PKIB: variants seen among roughly 807,000 people sequenced by gnomAD.
PKIB encodes the protein PKI-beta.
In PKIB, 2 loss-of-function variants were observed where a neutral mutation model predicts 4.5. The observed-to-expected ratio is 0.44, with a 90% CI of 0.18 to 1.39. The LOEUF is 1.39. Among genes scored for constraint, PKIB ranks in the 40% most tolerant of loss-of-function variants. The pLI is 0.27. For missense variants in PKIB, 94 were observed against 92.6 expected (o/e 1.02, Z -0.06); for synonymous variants, 38 against 36.0 (o/e 1.06, Z -0.20).
chr6:122,713,406 CCCT>C (rs1263046648), intron 3 of PKIB, among the ~76,000 whole-genome samples: 2 of 152,110 alleles, frequency 1.3e-5, no homozygotes, highest in African/African-American at 4.8e-5. Context: ...AATGAAAAGA[CCCT>C]CAAGTTAATC....
chr6:122,681,851 T>G (rs1562299207), intron 3 of PKIB, among the ~76,000 whole-genome samples: 1 of 152,232 alleles, frequency 6.6e-6, no homozygotes, highest in African/African-American at 2.4e-5. Context: ...GTGCACCATG[T>G]AACTAATGAG....
intron 2 of PKIB, among the ~76,000 whole-genome samples, chr6:122,488,244 A>G (rs534123963): frequency 3.0e-4 from 45 of 152,114 alleles, no homozygotes; most frequent in African/African-American, 1.1e-3. Context: ...ACACGCATGT[A>G]TGTACACACA....
intron 1 of PKIB, among the ~76,000 whole-genome samples, chr6:122,475,771 G>A (rs941118139): frequency 1.1e-4 from 17 of 152,110 alleles, no homozygotes; most frequent in African/African-American, 4.1e-4. Flanking sequence ...GGGTGACAGA[G>A]TGAGACTCTG....
chr6:122,689,935 C>G (rs1157358807), intron 3 of PKIB, among the ~76,000 whole-genome samples: 1 of 152,062 alleles, frequency 6.6e-6, no homozygotes, highest in Non-Finnish European at 1.5e-5. Context: ...TCTAGATGCT[C>G]TAGTGTTGGA....
At chr6:122,559,974 A>T (rs1772966669) in intron 2 of PKIB, among the ~76,000 whole-genome samples, 1 of 152,142 alleles carries the variant, frequency 6.6e-6, no homozygotes, top group Non-Finnish European at 1.5e-5. Context: ...GTAAACAATC[A>T]TATCATCAGC....
chr6:122,651,759 A>G (rs1348069020), intron 2 of PKIB, among the ~76,000 whole-genome samples: 2 of 152,218 alleles, frequency 1.3e-5, no homozygotes, highest in African/African-American at 4.8e-5. Context: ...GGGCAGACAC[A>G]GAAGTATTCA....
At chr6:122,499,232 G>A (rs771717374) in intron 2 of PKIB, among the ~76,000 whole-genome samples, 5 of 152,116 alleles carry the variant, frequency 3.3e-5, no homozygotes, top group Non-Finnish European at 7.4e-5. Flanking sequence ...GCATCACTCT[G>A]ATATTGAAAT....
At chr6:122,651,544 C>T (rs1776555094) in intron 2 of PKIB, among the ~76,000 whole-genome samples, 1 of 152,184 alleles carries the variant, frequency 6.6e-6, no homozygotes, top group Non-Finnish European at 1.5e-5. Flanking sequence ...ATAAACTCAT[C>T]AGAATTTAGA....
chr6:122,609,045 A>AATGAT (rs1774641434), upstream of PKIB, among the ~76,000 whole-genome samples: 1 of 142,878 alleles, frequency 7.0e-6, no homozygotes, highest in Non-Finnish European at 1.6e-5. Flanking sequence ...TAATGATATA[A>AATGAT]ATAACTCTCA....
At chr6:122,581,453 GAATT>G (rs1773700912) in intron 2 of PKIB, among the ~76,000 whole-genome samples, 1 of 152,002 alleles carries the variant, frequency 6.6e-6, no homozygotes. Context: ...AAGAAAATAA[GAATT>G]AATGCAAATT....
At chr6:122,512,386 T>A (rs1320472705) in intron 2 of PKIB, among the ~76,000 whole-genome samples, 2 of 152,308 alleles carry the variant, frequency 1.3e-5, no homozygotes, top group Admixed American at 1.3e-4. Flanking sequence ...TATTGGAAAT[T>A]GGTGACTATA....
intron 3 of PKIB, among the ~76,000 whole-genome samples, chr6:122,715,021 A>C (rs1779423733): frequency 6.6e-6 from 1 of 151,740 alleles, no homozygotes; most frequent in East Asian, 1.9e-4. Flanking sequence ...TTCTGGCCTC[A>C]TGATCTGCTC....
intron 2 of PKIB, among the ~76,000 whole-genome samples, chr6:122,501,721 C>G (rs1582661045): frequency 1.3e-5 from 2 of 152,172 alleles, no homozygotes; most frequent in South Asian, 4.1e-4. Context: ...AGGAACGTCT[C>G]TGAAATGCGC....
At chr6:122,641,207 A>G (rs1022594172) in intron 2 of PKIB, among the ~76,000 whole-genome samples, 3 of 152,200 alleles carry the variant, frequency 2.0e-5, no homozygotes, top group Non-Finnish European at 2.9e-5. Context: ...AAATAATATC[A>G]CACTTCTTTT....
At chr6:122,598,238 C>A (rs1005740632) in intron 3 of PKIB, among the ~76,000 whole-genome samples, 1 of 152,182 alleles carries the variant, frequency 6.6e-6, no homozygotes, top group Non-Finnish European at 1.5e-5. Context: ...TCTGTCCATT[C>A]GACCTAGAAG....
chr6:122,693,182 A>C (rs1160630491), intron 3 of PKIB, among the ~76,000 whole-genome samples: 1 of 152,228 alleles, frequency 6.6e-6, no homozygotes, highest in African/African-American at 2.4e-5. Flanking sequence ...AGGGTCCAGC[A>C]GACCCCAGAA....
chr6:122,694,540 GT>G (rs1778484559), intron 3 of PKIB, among the ~76,000 whole-genome samples: 1 of 152,222 alleles, frequency 6.6e-6, no homozygotes, highest in Admixed American at 6.5e-5. Context: ...GTGAGATAAA[GT>G]TTTCTCAATT....
intron 2 of PKIB, among the ~76,000 whole-genome samples, chr6:122,580,255 C>G (rs946990964): frequency 1.3e-5 from 2 of 152,200 alleles, no homozygotes; most frequent in African/African-American, 4.8e-5. Context: ...AGCATGCAAA[C>G]ATTTTCTACT....
chr6:122,519,513 G>T (rs1003554184), intron 2 of PKIB, among the ~76,000 whole-genome samples: 7 of 152,098 alleles, frequency 4.6e-5, no homozygotes, highest in Admixed American at 1.3e-4. Flanking sequence ...GTGTCAAAAA[G>T]GTTGGAGACC....
Sources: allele counts gnomAD v4.1 joint callset (sites outside exome capture counted in the v4.1 genomes callset), GRCh38; gene constraint gnomAD v4.1.1; transcripts MANE v1.5; gene names NCBI Gene and HGNC (gene_info 2026-07-23, HGNC 2026-07-21).